The following ANKRD31 variants were observed in gnomAD, a reference collection of about 807,000 sequenced individuals.
The protein encoded by ANKRD31 is ankyrin repeat domain 31, also known as ankyrin repeat domain-containing protein 31.
Under a neutral mutation model 186.0 loss-of-function variants are expected in ANKRD31, and 147 were observed. The observed-to-expected ratio is 0.79, with a 90% CI of 0.69 to 0.91. The LOEUF is 0.91. ANKRD31 is among the 40% of genes least tolerant of loss of function. The pLI, the probability that ANKRD31 is intolerant of heterozygous loss-of-function variation, is 0.00. For synonymous variants in ANKRD31, 673 were observed against 736.4 expected (o/e 0.91, Z 1.39); for missense variants, 1,986 against 2,148.8 (o/e 0.92, Z 1.50).
In ANKRD31 at chr5:75,068,614, C is replaced by T; in HGVS notation, c.5698G>A (p.Glu1900Lys). The T allele has an allele frequency of 6.6e-7, 1 of 1,523,946 alleles. No individual in the cohort carries two copies. Among genetic ancestry groups the T allele is most frequent in the Non-Finnish European group, 8.8e-7 (1 of 1,141,326 alleles). The allele number at this position is 1,523,946 out of a possible 1,614,324, so 94.4% of individuals were successfully genotyped here. ...TCTTGATCACTGATTAATAGTATTT[C>T]ATTTATTTGTAGATAACGTGGGCTG... ...QSSPRYLQIN[E>K]ILLISDQEFL... The change falls in exon 26 of 26, where the codon GAA (glutamate) becomes AAA (lysine). Residue 1900 changes from glutamate to lysine, a missense_variant. Transcript: ENST00000506364.
intron 9 of ANKRD31, among the ~76,000 whole-genome samples, chr5:75,190,662 T>C (rs1755047487): frequency 6.6e-6 from 1 of 151,844 alleles, no homozygotes; most frequent in African/African-American, 2.4e-5. Context: ...TCATGTTCCT[T>C]ATCTATTCAT....
At chr5:75,223,621 C>T (rs941342981) in intron 2 of ANKRD31, among the ~76,000 whole-genome samples, 1 of 151,960 alleles carries the variant, frequency 6.6e-6, no homozygotes, top group African/African-American at 2.4e-5. Flanking sequence ...AATATACCCC[C>T]TATAGATCAA....
At chr5:75,077,931 C>CAAAAA (rs56910458) in intron 25 of ANKRD31, among the ~76,000 whole-genome samples, 22 of 66,698 alleles carry the variant, frequency 3.3e-4, no homozygotes, top group African/African-American at 6.3e-4. Flanking sequence ...GACTCCGTCT[C>CAAAAA]AAAAAAAAAA....
intron 10 of ANKRD31, among the ~76,000 whole-genome samples, chr5:75,181,629 C>A (rs1039330112): frequency 1.3e-5 from 2 of 149,580 alleles, no homozygotes; most frequent in Admixed American, 1.3e-4. Context: ...CAAACTATCG[C>A]AAGGACAAAA....
At chr5:75,212,133 C>T (rs1756688492) in intron 3 of ANKRD31, among the ~76,000 whole-genome samples, 1 of 152,106 alleles carries the variant, frequency 6.6e-6, no homozygotes, top group Admixed American at 6.6e-5. Flanking sequence ...TATCATAACT[C>T]CTTTCCATAC....
rs1051908803 is a variant in ANKRD31, at chr5:75,088,234, G to A, written c.5472+3027C>T. 6.6e-5 allele frequency among the ~76,000 whole-genome samples: 10 copies of A among 152,260 alleles called. No individual in the cohort carries two copies. In the South Asian group the frequency reaches 2.1e-3, roughly 32 times the overall value. ...TGGTGAGAGGAGTTGTTCTTGAAAA[G>A]TATGTGTGGGGGGTGAGGGGAACCA... On this transcript the variant is annotated intron_variant, in intron 23 of 25. Coordinates refer to ENST00000506364, the MANE Select transcript of ANKRD31 (RefSeq NM_001372053.1).
chr5:75,083,096 A>T (rs6894556), intron 24 of ANKRD31, among the ~76,000 whole-genome samples: 7,448 of 152,270 alleles, frequency 0.049, 391 homozygotes, highest in African/African-American at 0.13. Flanking sequence ...GATTGGCCCA[A>T]GTCTAAACAT....
At chr5:75,217,797 C>A (rs1210330870) in intron 3 of ANKRD31, among the ~76,000 whole-genome samples, 1 of 152,054 alleles carries the variant, frequency 6.6e-6, no homozygotes, top group Admixed American at 6.6e-5. Flanking sequence ...ATCCTGTCAT[C>A]ATGTTGTTAG....
rs188746961 is a variant in ANKRD31 at position 75,112,116 on chromosome 5, T to G, written c.4243+397A>C. 1.1e-3 allele frequency among the ~76,000 whole-genome samples: 164 copies of G among 152,246 alleles called. 1 individual carries two copies. The highest frequency in any genetic ancestry group is 3.4e-3 in the African/African-American group (142 of 41,558). ...CCAACACTTTGCATCTAGAAGTATT[T>G]TTTTTTCTCTGTCACCCAGGCTAGA... On this transcript the variant is annotated intron_variant, in intron 20 of 25. Transcript: ENST00000506364.
chr5:75,202,460 A>G (rs1055341816), intron 5 of ANKRD31, among the ~76,000 whole-genome samples: 1 of 152,180 alleles, frequency 6.6e-6, no homozygotes, highest in African/African-American at 2.4e-5. Context: ...GAATTTTCAA[A>G]TTTTCCACTT....
chr5:75,232,987 T>C (rs1290147092), intron 1 of ANKRD31, among the ~76,000 whole-genome samples: 1 of 152,210 alleles, frequency 6.6e-6, no homozygotes, highest in Non-Finnish European at 1.5e-5. Context: ...TTAGTTACTT[T>C]TCCACAACTG....
chr5:75,192,523 T>C (rs1755182036), intron 9 of ANKRD31, 144 bp downstream of exon 9: 2 of 638,442 alleles, frequency 3.1e-6, no homozygotes, highest in East Asian at 2.8e-5. Context: ...ATGAGCTGTA[T>C]GGTTCTGGGA....
At chr5:75,140,243 GA>G (rs759513109) in intron 15 of ANKRD31, among the ~76,000 whole-genome samples, 3,783 of 87,958 alleles carry the variant, frequency 0.043, 166 homozygotes, top group African/African-American at 0.25. Context: ...AAGAAGGAAG[GA>G]AGGAAGGAAG....
intron 20 of ANKRD31, among the ~76,000 whole-genome samples, chr5:75,110,783 G>T (rs928139471): frequency 3.4e-5 from 5 of 148,338 alleles, no homozygotes; most frequent in Non-Finnish European, 1.5e-5. Context: ...AACTCGTAAG[G>T]TTATTTAAAA....
rs980518167 is a variant in ANKRD31 at position 75,144,168 on chromosome 5, T to G, written c.3428A>C (p.Glu1143Ala). Residue 1143 changes from glutamate to alanine, a missense_variant, in exon 15 of 26, where the codon GAG (glutamate) becomes GCG (alanine). Physicochemically the swap from Glu to Ala is moderately radical, Grantham distance 107. Coordinates refer to ENST00000506364, the MANE Select transcript of ANKRD31 (RefSeq NM_001372053.1). ...EKKEISHKPD[E>A]ELTNNISGDE... The stretch of plus-strand genomic sequence containing the variant: ...TCCACTGATGTTATTAGTTAATTCC[T>G]CATCTGAAACAAACATTTTACAATA... 3.3e-5 allele frequency: 13 copies of G among 396,988 alleles called. No homozygotes were observed. The highest frequency in any genetic ancestry group is 8.8e-5 in the Admixed American group (2 of 22,660). 24.6% of individuals were successfully genotyped at this position (396,988 alleles called of 1,614,324 possible). A position where few individuals can be genotyped will look rare whatever the true frequency, so the allele number is the denominator to read the frequency against.
chr5:75,218,158 G>T (rs936228763), intron 3 of ANKRD31, among the ~76,000 whole-genome samples: 1 of 151,938 alleles, frequency 6.6e-6, no homozygotes, highest in Non-Finnish European at 1.5e-5. Flanking sequence ...TCCAGAAGTT[G>T]GTTTTTTGGA....
At chr5:75,135,144 A>G (rs921398644) in intron 17 of ANKRD31, among the ~76,000 whole-genome samples, 1 of 152,216 alleles carries the variant, frequency 6.6e-6, no homozygotes, top group Non-Finnish European at 1.5e-5. Context: ...CCTATTCAAC[A>G]TACTTTTGGA....
chr5:75,217,079 G>A (rs764255787), intron 3 of ANKRD31, among the ~76,000 whole-genome samples: 25 of 152,116 alleles, frequency 1.6e-4, no homozygotes, highest in Non-Finnish European at 3.5e-4. Context: ...TTGAGCTGTG[G>A]TCCAAGAGTG....
At chr5:75,199,747 C>G in intron 5 of ANKRD31, 73 bp from the exon 6 acceptor site, 1 of 1,209,182 alleles carries the variant, frequency 8.3e-7, no homozygotes, top group Non-Finnish European at 1.1e-6. Context: ...GTTGACATTT[C>G]ATAATCATAT....
Sources: gnomAD v4.1 joint callset for allele counts (sites outside exome capture counted in the v4.1 genomes callset) on GRCh38, gnomAD v4.1.1 for gene constraint, MANE v1.5 for transcripts, NCBI Gene and HGNC (gene_info 2026-07-23, HGNC 2026-07-21) for gene names.